The following TNFAIP8 variants were observed in gnomAD, a reference collection of about 807,000 sequenced individuals.
TNFAIP8 encodes the protein tumor necrosis factor alpha-induced protein 8.
In TNFAIP8, 7 loss-of-function variants were observed where a neutral mutation model predicts 13.3. The observed-to-expected ratio is 0.52, with a 90% confidence interval of 0.30 to 0.99. The LOEUF is 0.99. TNFAIP8 is among the 50% of genes least tolerant of loss of function. TNFAIP8 has a pLI of 0.07. For missense variants in TNFAIP8, 258 were observed against 236.9 expected, an observed-to-expected ratio of 1.09 and a Z score of -0.58; for synonymous variants, 94 against 87.6, an observed-to-expected ratio of 1.07 and a Z score of -0.41.
At chr5:119,338,769 AT>A (rs1217531416) in intron 1 of TNFAIP8, among the ~76,000 whole-genome samples, 1 of 152,158 alleles carries the variant, frequency 6.6e-6, no homozygotes, top group Non-Finnish European at 1.5e-5. Context: ...TACAAAAGAG[AT>A]TTTTTTGTTG....
At chr5:119,296,901 A>C (rs1160193693) in intron 1 of TNFAIP8, among the ~76,000 whole-genome samples, 1 of 151,884 alleles carries the variant, frequency 6.6e-6, no homozygotes, top group Admixed American at 6.6e-5. Context: ...TAGATTTTCT[A>C]GTTTATTTGC....
At chr5:119,345,214 G>A (rs1190704405) in intron 1 of TNFAIP8, among the ~76,000 whole-genome samples, 1 of 152,146 alleles carries the variant, frequency 6.6e-6, no homozygotes, top group African/African-American at 2.4e-5. Flanking sequence ...GTATGTACCT[G>A]TTGGGCATTG....
At chr5:119,291,609 G>T (rs753193484) in intron 1 of TNFAIP8, among the ~76,000 whole-genome samples, 21 of 152,224 alleles carry the variant, frequency 1.4e-4, no homozygotes, top group Non-Finnish European at 2.5e-4. Context: ...AGGAAGGGCT[G>T]CTTTCATCTT....
chr5:119,340,976 T>G (rs768319330), intron 1 of TNFAIP8, among the ~76,000 whole-genome samples: 38 of 152,032 alleles, frequency 2.5e-4, no homozygotes, highest in Non-Finnish European at 3.4e-4. Context: ...GCGGTGCACA[T>G]GAAGGAAGCT....
chr5:119,308,915 G>C (rs528349718), intron 1 of TNFAIP8, among the ~76,000 whole-genome samples: 1 of 151,442 alleles, frequency 6.6e-6, no homozygotes, highest in South Asian at 2.1e-4. Flanking sequence ...CTGAGCCAGC[G>C]TGCTCCTTGT....
rs887257986 is a variant in TNFAIP8 at position 119,396,304 on chromosome 5, G to A, written c.*2923G>A. The A allele has an allele frequency of 5.3e-5, 8 of 152,218 alleles. No individual in the cohort carries two copies. Among genetic ancestry groups the A allele is most frequent in the African/African-American group, 1.9e-4 (8 of 41,454 alleles). The allele number at this position is 152,218 out of a possible 1,614,324, so 9.4% of individuals were successfully genotyped here. A position where few individuals can be genotyped will look rare whatever the true frequency, so the allele number is the denominator to read the frequency against. ...GGTCTGGCCTGTTCTCTAAAGATCT[G>A]TGTAGATGTTGTACAAAGACATTTT... On this transcript the variant is annotated 3_prime_UTR_variant, in exon 2 of 2. Coordinates refer to ENST00000504771, the MANE Select transcript of TNFAIP8 (RefSeq NM_014350.4).
chr5:119,268,945 C>G, intron 1 of TNFAIP8: 1 of 684,578 alleles, frequency 1.5e-6, no homozygotes, highest in Middle Eastern at 2.3e-4. Flanking sequence ...CGCGCACACT[C>G]CAGCGCGCCT....
chr5:119,344,557 C>T (rs976964339), intron 1 of TNFAIP8, among the ~76,000 whole-genome samples: 2 of 152,224 alleles, frequency 1.3e-5, no homozygotes, highest in Non-Finnish European at 1.5e-5. Flanking sequence ...AGGACTGAGG[C>T]AGCCAATTCT....
At chr5:119,342,259 A>G (rs1038749005) in intron 1 of TNFAIP8, among the ~76,000 whole-genome samples, 4 of 152,300 alleles carry the variant, frequency 2.6e-5, no homozygotes, top group African/African-American at 4.8e-5. Flanking sequence ...CAGAGATAGC[A>G]CCTTGTGTTG....
intron 1 of TNFAIP8, among the ~76,000 whole-genome samples, chr5:119,328,824 G>A (rs149043459): frequency 6.6e-6 from 1 of 152,282 alleles, no homozygotes; most frequent in African/African-American, 2.4e-5. Context: ...ATTTTATTAC[G>A]AGGGATCATG....
At chr5:119,273,228 A>G (rs2150799038) in intron 1 of TNFAIP8, among the ~76,000 whole-genome samples, 1 of 152,338 alleles carries the variant, frequency 6.6e-6, no homozygotes, top group African/African-American at 2.4e-5. Flanking sequence ...AGATTAAGCC[A>G]GATGTTCCTC....
At chr5:119,307,084 T>C (rs1240842151) in intron 1 of TNFAIP8, among the ~76,000 whole-genome samples, 1 of 152,202 alleles carries the variant, frequency 6.6e-6, no homozygotes, top group Non-Finnish European at 1.5e-5. Context: ...TACAGAAAAT[T>C]ACTCTTTGGG....
chr5:119,392,103 G>A (rs1471012721), intron 1 of TNFAIP8, among the ~76,000 whole-genome samples: 1 of 152,196 alleles, frequency 6.6e-6, no homozygotes, highest in East Asian at 1.9e-4. Flanking sequence ...ATCAGAAATA[G>A]CAAGTGACAA....
intron 1 of TNFAIP8, among the ~76,000 whole-genome samples, chr5:119,282,960 G>A (rs916334931): frequency 2.0e-5 from 3 of 152,308 alleles, no homozygotes; most frequent in African/African-American, 7.2e-5. Flanking sequence ...ACTTAGTGGG[G>A]CATTTGTGCG....
At chr5:119,346,007 G>A (rs1750889428) in intron 1 of TNFAIP8, among the ~76,000 whole-genome samples, 1 of 152,158 alleles carries the variant, frequency 6.6e-6, no homozygotes, top group Non-Finnish European at 1.5e-5. Flanking sequence ...ATAAGGAGCA[G>A]CCCCTACCCG....
intron 1 of TNFAIP8, among the ~76,000 whole-genome samples, chr5:119,362,997 C>G (rs993450026): frequency 4.6e-5 from 7 of 152,074 alleles, no homozygotes; most frequent in Admixed American, 2.0e-4. Flanking sequence ...TATGTAGTCT[C>G]TGAGAGCAAG....
chr5:119,366,281 A>G (rs1751854853), intron 1 of TNFAIP8, among the ~76,000 whole-genome samples: 1 of 152,048 alleles, frequency 6.6e-6, no homozygotes, highest in African/African-American at 2.4e-5. Context: ...AACAGGAGAG[A>G]AAGTGGGGTG....
At chr5:119,377,674 G>A (rs930692891) in intron 1 of TNFAIP8, among the ~76,000 whole-genome samples, 2 of 152,144 alleles carry the variant, frequency 1.3e-5, no homozygotes, top group African/African-American at 4.8e-5. Flanking sequence ...AACAAATCAT[G>A]ATCACTCTTA....
At chr5:119,316,756 A>G (rs576487857) in intron 1 of TNFAIP8, among the ~76,000 whole-genome samples, 36 of 152,302 alleles carry the variant, frequency 2.4e-4, no homozygotes, top group Non-Finnish European at 4.9e-4. Flanking sequence ...CATGTAGCCA[A>G]TTTAAGAACC....
Sources: allele counts gnomAD v4.1 joint callset (sites outside exome capture counted in the v4.1 genomes callset), GRCh38; gene constraint gnomAD v4.1.1; transcripts MANE v1.5; gene names NCBI Gene and HGNC (gene_info 2026-07-23, HGNC 2026-07-21).